Variants in PCDHA2 observed in about 807,000 individuals in gnomAD.
PCDHA2 encodes the protein protocadherin alpha-2.
A neutral mutation model predicts 66.0 loss-of-function variants in PCDHA2; 58 were observed. The ratio of observed to expected loss-of-function variants is 0.88; its 90% confidence interval spans 0.71 to 1.09. The LOEUF (loss-of-function observed/expected upper bound fraction) is 1.09. PCDHA2 is among the 50% of genes least tolerant of loss of function. The pLI, the probability that PCDHA2 is intolerant of heterozygous loss-of-function variation, is 0.00. For synonymous variants in PCDHA2, 634 were observed against 554.0 expected, an observed-to-expected ratio of 1.14 and a Z score of -2.03; for missense variants, 1,267 against 1,242.3, an observed-to-expected ratio of 1.02 and a Z score of -0.30.
At chr5:140,941,214 C>CCTTCCTTTCTTTCTTTCTTT (rs1554214040) in intron 1 of PCDHA2, among the ~76,000 whole-genome samples, 29 of 122,492 alleles carry the variant, frequency 2.4e-4, no homozygotes, top group South Asian at 5.9e-4. Flanking sequence ...TTTCTTTCTT[C>CCTTCCTTTCTTTCTTTCTTT]CTTTCTTTCT....
intron 1 of PCDHA2, chr5:140,865,276 A>C (rs1259929585): frequency 6.6e-6 from 1 of 152,182 alleles, no homozygotes; most frequent in African/African-American, 2.4e-5. Flanking sequence ...TTATATGTAA[A>C]ATTACTTTGC....
At position 140,806,952 on chromosome 5, in the gene PCDHA2, G is replaced by T. The variant is rs1229018941; in HGVS notation, c.2388+9600G>T. Reference sequence around the variant, plus strand: ...AAGTAGTTTACAGTAGAGTGTGTGGGGGTTTCCACAATTGCTACTTACGGT... The same window carrying T: ...AAGTAGTTTACAGTAGAGTGTGTGGTGGTTTCCACAATTGCTACTTACGGT... On this transcript the variant is annotated intron_variant, in intron 1 of 3. Coordinates refer to ENST00000526136, the MANE Select transcript of PCDHA2 (RefSeq NM_018905.3). 9 of 588,900 alleles carry T rather than the reference G, an allele frequency of 1.5e-5. No homozygotes were observed. The East Asian group carries it at 2.3e-4, about 15-fold the overall frequency. The allele number at this position is 588,900 out of a possible 1,614,324, so 36.5% of individuals were successfully genotyped here.
In PCDHA2 at chr5:141,000,054, A is replaced by G. The variant is rs189634054; in HGVS notation, c.2537-9573A>G. On this transcript the variant is annotated intron_variant, in intron 3 of 3. Coordinates refer to ENST00000526136, the MANE Select transcript of PCDHA2 (RefSeq NM_018905.3). ...CCAATCACACACACACCACTCTCCC[A>G]GCTGCTCTGTAGATCACAATGCTAG... Among the ~76,000 whole-genome samples the G allele has an allele frequency of 4.0e-3, 609 of 152,230 alleles. 3 individuals carry two copies. Among genetic ancestry groups the G allele is most frequent in the African/African-American group, 0.014 (564 of 41,556 alleles).
intron 1 of PCDHA2, among the ~76,000 whole-genome samples, chr5:140,902,264 C>G (rs1187258512): frequency 6.8e-6 from 1 of 147,240 alleles, no homozygotes; most frequent in Admixed American, 6.9e-5. Context: ...TCTCGAACTC[C>G]TGGGCTCAAG....
chr5:140,975,903 C>A (rs1189531342), intron 1 of PCDHA2, among the ~76,000 whole-genome samples: 1 of 152,090 alleles, frequency 6.6e-6, no homozygotes, highest in Admixed American at 6.6e-5. Context: ...AGTTTTGTGA[C>A]CATTATTCTA....
chr5:140,870,780 C>T (rs782242319), intron 1 of PCDHA2: 3 of 1,613,508 alleles, frequency 1.9e-6, no homozygotes, highest in Non-Finnish European at 2.5e-6. Context: ...ACGAGAACGA[C>T]AACGCGCCGG....
chr5:140,941,241 T>TTCTTTCTTTCTTTCTTTCTTTCTC (rs1585048929), intron 1 of PCDHA2, among the ~76,000 whole-genome samples: 1 of 140,458 alleles, frequency 7.1e-6, no homozygotes, highest in East Asian at 2.0e-4. Flanking sequence ...CTTTCTTTCT[T>TTCTTTCTTTCTTTCTTTCTTTCTC]TCTTTCTTTC....
chr5:140,879,875 C>T (rs1040496825), intron 1 of PCDHA2, among the ~76,000 whole-genome samples: 39 of 152,326 alleles, frequency 2.6e-4, no homozygotes, highest in African/African-American at 8.7e-4. Flanking sequence ...TTCATGGTCA[C>T]ATTGCCTCCT....
intron 1 of PCDHA2, among the ~76,000 whole-genome samples, chr5:140,874,496 T>G (rs1352627184): frequency 3.9e-5 from 6 of 152,214 alleles, no homozygotes; most frequent in African/African-American, 1.4e-4. Context: ...TGATATCAAG[T>G]TCACATTCTC....
intron 1 of PCDHA2, chr5:140,828,260 G>A (rs2150153212): frequency 6.8e-6 from 11 of 1,614,030 alleles, no homozygotes; most frequent in Non-Finnish European, 7.6e-6. Flanking sequence ...GCTGGAGCTG[G>A]CGGAGCTGGT....
At chr5:140,858,165 C>G in intron 1 of PCDHA2, 1 of 1,597,786 alleles carries the variant, frequency 6.3e-7, no homozygotes, top group Non-Finnish European at 8.6e-7. Flanking sequence ...TGCGCGGTGT[C>G]CAGCTTGCTG....
chr5:140,800,966 A>AT, intron 1 of PCDHA2: 4 of 1,208,646 alleles, frequency 3.3e-6, no homozygotes, highest in Non-Finnish European at 3.2e-6. Context: ...GGAAAAGAAG[A>AT]TACGTTTACA....
At chr5:140,859,929 A>C (rs568538695) in intron 1 of PCDHA2, 3 of 152,046 alleles carry the variant, frequency 2.0e-5, no homozygotes, top group African/African-American at 7.2e-5. Context: ...TAATATAAAA[A>C]ACTTAGTAAA....
chr5:140,796,376 GC>G lies in PCDHA2; in HGVS notation c.1413del (p.Cys472AlafsTer64), dbSNP rs1562159514. 1 of 1,613,428 alleles carries G rather than the reference GC, an allele frequency of 6.2e-7. No homozygotes were observed. The highest frequency in any genetic ancestry group is 8.5e-7 in the Non-Finnish European group (1 of 1,179,870). On this transcript the variant is annotated frameshift_variant, in exon 1 of 4. Coordinates refer to ENST00000526136, the MANE Select transcript of PCDHA2 (RefSeq NM_018905.3). LOFTEE classifies it high-confidence loss of function. The stretch of plus-strand genomic sequence containing the variant: ...TTCGTGAAGGAGAACAACCCGCCGG[GC>G]TGCCACATCTTCACGGTGTCAGCGT... ...TVFVKENNPP[G>X]CHIFTVSAWD...
intron 1 of PCDHA2, chr5:140,836,445 G>A: frequency 3.1e-6 from 5 of 1,613,836 alleles, no homozygotes; most frequent in Non-Finnish European, 4.2e-6. Flanking sequence ...GGGCATTGCA[G>A]GCCCAGAGAC....
intron 1 of PCDHA2, chr5:140,822,236 A>G: frequency 6.2e-7 from 1 of 1,614,248 alleles, no homozygotes; most frequent in Non-Finnish European, 8.5e-7. Context: ...TTTCCGCTAG[A>G]GGGCGCGTCG....
intron 1 of PCDHA2, chr5:140,884,430 T>C: frequency 1.9e-6 from 3 of 1,613,922 alleles, no homozygotes; most frequent in Non-Finnish European, 2.5e-6. Context: ...TATACTGCGC[T>C]GCGGTGCTCG....
Position 140,856,045 on chromosome 5 carries a change from T to C in PCDHA2, c.2388+58693T>C, listed in dbSNP as rs1554148107. 3 of 1,581,954 alleles carry C rather than the reference T, an allele frequency of 1.9e-6. 1 individual carries two copies. In the African/African-American group the frequency reaches 4.1e-5, roughly 21 times the overall value. ...GTCGATTTGTAAAACAAGAGAAGGATAAGATGGTTTCCAGATGTAGCTGCC... is the reference window on the plus strand; with the variant it reads ...GTCGATTTGTAAAACAAGAGAAGGACAAGATGGTTTCCAGATGTAGCTGCC... On this transcript the variant is annotated intron_variant, in intron 1 of 3. Coordinates refer to ENST00000526136, the MANE Select transcript of PCDHA2 (RefSeq NM_018905.3).
At chr5:140,849,071 T>C (rs2150430032) in intron 1 of PCDHA2, 1 of 1,532,554 alleles carries the variant, frequency 6.5e-7, no homozygotes, top group Non-Finnish European at 8.9e-7. Flanking sequence ...TAAAACCTCT[T>C]GGACTTGTAT....
Sources: gnomAD v4.1 joint callset for allele counts (sites outside exome capture counted in the v4.1 genomes callset) on GRCh38, gnomAD v4.1.1 for gene constraint, MANE v1.5 for transcripts, NCBI Gene and HGNC (gene_info 2026-07-23, HGNC 2026-07-21) for gene names.